NELL1: variants seen among roughly 807,000 people sequenced by gnomAD.
The protein encoded by NELL1 is neural EGFL like 1.
NELL1 carries 76 observed loss-of-function variants against 107.4 expected under a neutral mutation model. That is an observed-to-expected ratio of 0.71 (90% confidence interval 0.59 to 0.86). The LOEUF is 0.86. Ranked by LOEUF, NELL1 falls within the 40% of genes least tolerant of loss-of-function variation. The pLI is 0.00. For missense variants in NELL1, 1,024 were observed against 1,005.5 expected, an observed-to-expected ratio of 1.02 and a Z score of -0.25; for synonymous variants, 353 against 341.2, an observed-to-expected ratio of 1.03 and a Z score of -0.38.
chr11:20,871,413 G>A (rs1016334974), intron 4 of NELL1, among the ~76,000 whole-genome samples: 1 of 152,130 alleles, frequency 6.6e-6, no homozygotes, highest in Non-Finnish European at 1.5e-5. Flanking sequence ...TAAGAGGACA[G>A]GGATATAATA....
intron 12 of NELL1, among the ~76,000 whole-genome samples, chr11:21,030,745 C>T (rs937216976): frequency 6.7e-6 from 1 of 149,916 alleles, no homozygotes; most frequent in African/African-American, 2.4e-5. Context: ...ATTTAGATTA[C>T]AGTAGCAATG....
chr11:20,702,169 T>A (rs1211050750), intron 2 of NELL1, among the ~76,000 whole-genome samples: 1 of 152,210 alleles, frequency 6.6e-6, no homozygotes, highest in Non-Finnish European at 1.5e-5. Flanking sequence ...TTTGTTTGTG[T>A]CCTCTTTTGT....
At chr11:21,152,450 T>C (rs1856140085) in intron 13 of NELL1, among the ~76,000 whole-genome samples, 1 of 152,206 alleles carries the variant, frequency 6.6e-6, no homozygotes, top group South Asian at 2.1e-4. Flanking sequence ...CCAAAAGACA[T>C]CATTTCAAGT....
chr11:21,235,505 A>T (rs1337942826), intron 14 of NELL1, among the ~76,000 whole-genome samples: 3 of 152,142 alleles, frequency 2.0e-5, no homozygotes, highest in Non-Finnish European at 4.4e-5. Context: ...TCCCACCTAT[A>T]GAGACTGATG....
intron 13 of NELL1, among the ~76,000 whole-genome samples, chr11:21,147,602 G>A (rs915370835): frequency 3.3e-5 from 5 of 151,940 alleles, no homozygotes; most frequent in African/African-American, 9.7e-5. Context: ...GGAGGCCGAG[G>A]TGGGTGGATC....
chr11:21,517,450 G>A (rs775841092), intron 15 of NELL1, among the ~76,000 whole-genome samples: 1 of 152,180 alleles, frequency 6.6e-6, no homozygotes, highest in Non-Finnish European at 1.5e-5. Context: ...CATAATAGCT[G>A]TTCCCCTTGG....
chr11:21,442,591 A>G (rs1333262364), intron 15 of NELL1, among the ~76,000 whole-genome samples: 2 of 152,214 alleles, frequency 1.3e-5, no homozygotes, highest in Non-Finnish European at 2.9e-5. Flanking sequence ...AGTCAATAAA[A>G]TATTCAACAT....
intron 13 of NELL1, among the ~76,000 whole-genome samples, chr11:21,180,882 T>A (rs897847632): frequency 2.0e-5 from 3 of 150,428 alleles, no homozygotes; most frequent in Non-Finnish European, 4.4e-5. Flanking sequence ...AAAAAAAAAA[T>A]GTTCTCTGCC....
chr11:21,430,782 C>G (rs1246812415), intron 15 of NELL1, among the ~76,000 whole-genome samples: 1 of 152,102 alleles, frequency 6.6e-6, no homozygotes, highest in Admixed American at 6.6e-5. Flanking sequence ...TTGCCTAACT[C>G]CAGGAGTATG....
chr11:21,135,466 A>G (rs1167671361), intron 13 of NELL1, among the ~76,000 whole-genome samples: 1 of 152,154 alleles, frequency 6.6e-6, no homozygotes, highest in African/African-American at 2.4e-5. Flanking sequence ...TAAATGGAGG[A>G]TGCAATTCAT....
At chr11:21,295,995 A>T (rs770095668) in intron 14 of NELL1, among the ~76,000 whole-genome samples, 1 of 152,054 alleles carries the variant, frequency 6.6e-6, no homozygotes, top group Non-Finnish European at 1.5e-5. Context: ...CAGTTTAAGC[A>T]TCTGGTTTGC....
chr11:20,995,658 C>T (rs1487718972), intron 12 of NELL1, among the ~76,000 whole-genome samples: 2 of 152,104 alleles, frequency 1.3e-5, no homozygotes, highest in Non-Finnish European at 2.9e-5. Flanking sequence ...CAACTCAGTT[C>T]TTCCCCTTTG....
chr11:21,501,527 C>G (rs1355613152), intron 15 of NELL1, among the ~76,000 whole-genome samples: 1 of 152,090 alleles, frequency 6.6e-6, no homozygotes, highest in South Asian at 2.1e-4. Context: ...GTCAAAGTAG[C>G]AGGAGACCTC....
At chr11:21,380,660 C>A (rs912451263) in intron 15 of NELL1, among the ~76,000 whole-genome samples, 1 of 152,034 alleles carries the variant, frequency 6.6e-6, no homozygotes, top group African/African-American at 2.4e-5. Flanking sequence ...TATTTCACAA[C>A]CCTGTCCTTG....
intron 3 of NELL1, among the ~76,000 whole-genome samples, chr11:20,790,891 C>T (rs1857061050): frequency 6.6e-6 from 1 of 152,194 alleles, no homozygotes; most frequent in Non-Finnish European, 1.5e-5. Context: ...GTGATGGTAG[C>T]GGCTGCTCCA....
chr11:21,199,821 G>C (rs2133846496), intron 13 of NELL1, among the ~76,000 whole-genome samples: 1 of 139,194 alleles, frequency 7.2e-6, no homozygotes, highest in South Asian at 2.2e-4. Flanking sequence ...AATAGGCCCT[G>C]TTGTGTGATG....
chr11:20,971,199 A>G (rs1343559245), intron 12 of NELL1, among the ~76,000 whole-genome samples: 1 of 152,038 alleles, frequency 6.6e-6, no homozygotes, highest in African/African-American at 2.4e-5. Flanking sequence ...TTTTTTAGTG[A>G]TGTACCTTCA....
At chr11:21,295,958 G>A (rs999204831) in intron 14 of NELL1, among the ~76,000 whole-genome samples, 27 of 152,010 alleles carry the variant, frequency 1.8e-4, no homozygotes, top group Non-Finnish European at 3.7e-4. Context: ...ACAGTCTACT[G>A]ATGAAGACTC....
At chr11:21,066,736 G>C (rs538938756) in intron 12 of NELL1, among the ~76,000 whole-genome samples, 1 of 151,978 alleles carries the variant, frequency 6.6e-6, no homozygotes, top group Non-Finnish European at 1.5e-5. Flanking sequence ...GATCACTTGA[G>C]GTCACGAATT....
Sources: allele counts gnomAD v4.1 joint callset (sites outside exome capture counted in the v4.1 genomes callset), GRCh38; gene constraint gnomAD v4.1.1; transcripts MANE v1.5; gene names NCBI Gene and HGNC (gene_info 2026-07-23, HGNC 2026-07-21).